ARID2: variants seen among roughly 807,000 people sequenced by gnomAD.
ARID2 encodes the protein AT-rich interactive domain-containing protein 2.
In ARID2, 32 loss-of-function variants were observed where a neutral mutation model predicts 184.6. The observed-to-expected ratio is 0.17, with a 90% CI of 0.13 to 0.23. The LOEUF is 0.23. Ranked by LOEUF, ARID2 falls within the 10% of genes least tolerant of loss-of-function variation. The probability of loss-of-function intolerance (pLI) is 1.00; values close to 1 mark genes in which losing one functional copy is unlikely to be tolerated. For synonymous variants in ARID2, 836 were observed against 772.6 expected (o/e 1.08, Z -1.36); for missense variants, 1,696 against 2,197.6 (o/e 0.77, Z 4.56).
intron 3 of ARID2, among the ~76,000 whole-genome samples, chr12:45,791,476 A>G (rs1942288483): frequency 6.6e-6 from 1 of 152,156 alleles, no homozygotes; most frequent in South Asian, 2.1e-4. Context: ...TTTTGTTTAC[A>G]GTGTTACAAC....
chr12:45,888,618 T>G (rs1225309262), intron 16 of ARID2, among the ~76,000 whole-genome samples: 2 of 152,214 alleles, frequency 1.3e-5, no homozygotes, highest in East Asian at 3.8e-4. Context: ...CTATTACTGA[T>G]CATGATGACA....
At chr12:45,810,396 A>G (rs576692800) in intron 3 of ARID2, among the ~76,000 whole-genome samples, 1 of 152,356 alleles carries the variant, frequency 6.6e-6, no homozygotes, top group South Asian at 2.1e-4. Flanking sequence ...TGTATTAGGC[A>G]TAGTACTTTT....
intron 3 of ARID2, among the ~76,000 whole-genome samples, chr12:45,805,540 A>G (rs1166383666): frequency 6.6e-6 from 1 of 152,050 alleles, no homozygotes; most frequent in Non-Finnish European, 1.5e-5. Context: ...ATTGAGACTA[A>G]TATCTGAGTT....
intron 6 of ARID2, 146 bp downstream of exon 6, chr12:45,821,633 G>A: frequency 2.4e-6 from 1 of 422,876 alleles, no homozygotes; most frequent in South Asian, 9.9e-5. Context: ...CGATTTTAAA[G>A]TTGTGATTGA....
chr12:45,771,467 G>A (rs1381720519), intron 3 of ARID2, among the ~76,000 whole-genome samples: 2 of 150,126 alleles, frequency 1.3e-5, no homozygotes, highest in African/African-American at 2.5e-5. Context: ...GAGTTTGAGA[G>A]CAGCCTGGGC....
rs190551923 is a variant in ARID2 at position 45,766,194 on chromosome 12, G to C, written c.284+34880G>C. 4.0e-4 allele frequency among the ~76,000 whole-genome samples: 60 copies of C among 151,100 alleles called. No homozygotes were observed. In the East Asian group the frequency reaches 0.01, roughly 26 times the overall value. On this transcript the variant is annotated intron_variant, in intron 3 of 20. Coordinates refer to ENST00000334344, the MANE Select transcript of ARID2 (RefSeq NM_152641.4). ...TAACTTTTTTTTTTTTTGAGACAGAGTCTTGCTCTGTCACCAAGACTGGAG... is the reference window on the plus strand; with the variant it reads ...TAACTTTTTTTTTTTTTGAGACAGACTCTTGCTCTGTCACCAAGACTGGAG...
rs538546778 is a variant in ARID2, at chr12:45,778,250, C to G, written c.285-33168C>G. ...AAGCCCAGTTTATATGTGTTCCCCC[C>G]CCAACCCGCAAGAAAATGCCTTATT... On this transcript the variant is annotated intron_variant, in intron 3 of 20. Transcript: ENST00000334344. Among the ~76,000 whole-genome samples, 4 of 152,016 alleles carry G rather than the reference C, an allele frequency of 2.6e-5. No homozygotes were observed. In the South Asian group the frequency reaches 6.2e-4, roughly 24 times the overall value.
intron 16 of ARID2, among the ~76,000 whole-genome samples, chr12:45,888,052 G>A (rs1944225785): frequency 6.6e-6 from 1 of 152,104 alleles, no homozygotes; most frequent in Non-Finnish European, 1.5e-5. Context: ...AAAATCAGCT[G>A]GGGGTGCTGG....
In ARID2 at chr12:45,893,455, G is replaced by A. The variant is rs201845936; in HGVS notation, c.5183G>A (p.Arg1728Lys). The change falls in exon 19 of 21, where the codon AGA becomes AAA. Residue 1728 changes from arginine to lysine, a missense_variant. By Grantham distance (26) the Arg-to-Lys change is conservative (BLOSUM62 2). This residue lies in a region of ARID2 where 58 missense variants were observed against 47.1 expected (regional missense o/e 1.23). Coordinates refer to ENST00000334344, the MANE Select transcript of ARID2 (RefSeq NM_152641.4). ...GTAGGGGGCACAAGCTCAACTCCTAGAGCACAAAAGGCCATTGTGAATCAT... is the reference window on the plus strand; with the variant it reads ...GTAGGGGGCACAAGCTCAACTCCTAAAGCACAAAAGGCCATTGTGAATCAT... Reference protein sequence around the residue: ...PTVGGTSSTPRAQKAIVNHPS... With the variant: ...PTVGGTSSTPKAQKAIVNHPS... 3.3e-5 allele frequency: 53 copies of A among 1,613,940 alleles called. No individual in the cohort carries two copies. Among genetic ancestry groups the A allele is most frequent in the Admixed American group, 2.7e-4 (16 of 60,000 alleles).
chr12:45,831,720 T>A (rs1943127129), intron 6 of ARID2, among the ~76,000 whole-genome samples: 1 of 152,226 alleles, frequency 6.6e-6, no homozygotes, highest in African/African-American at 2.4e-5. Context: ...TCAGTTGTTC[T>A]ACAATTTCCT....
rs2136462894 is a variant in ARID2, at chr12:45,893,641, G to T, written c.5283G>T (p.Glu1761Asp). Residue 1761 changes from glutamate to aspartate, a missense_variant, in exon 20 of 21, where the codon GAG (glutamate) becomes GAT (aspartate). By Grantham distance (45) the Glu-to-Asp change is conservative. Transcript: ENST00000334344. Reference sequence around the variant, plus strand: ...CCTTTCTTTTTAAGGATGAAAAAGAGGGACCAATAACTAAACACATCCGAC... The same window carrying T: ...CCTTTCTTTTTAAGGATGAAAAAGATGGACCAATAACTAAACACATCCGAC... ...LVFRDFTDEK[E>D]GPITKHIRLT... 1 of 1,604,174 alleles carries T rather than the reference G, an allele frequency of 6.2e-7. No homozygotes were observed. Among genetic ancestry groups the T allele is most frequent in the Non-Finnish European group, 8.5e-7 (1 of 1,177,382 alleles).
chr12:45,873,569 A>G (rs1943959626), intron 16 of ARID2, among the ~76,000 whole-genome samples: 1 of 152,230 alleles, frequency 6.6e-6, no homozygotes, highest in Non-Finnish European at 1.5e-5. Flanking sequence ...CTTTCAAACA[A>G]TAGTACAGGC....
intron 3 of ARID2, among the ~76,000 whole-genome samples, chr12:45,777,513 A>G (rs1942007524): frequency 6.6e-6 from 1 of 152,028 alleles, no homozygotes. Flanking sequence ...CTTCTTAATA[A>G]TGCACAAGCA....
At position 45,904,937 on chromosome 12, in the gene ARID2, G is replaced by A; in HGVS notation, c.5367G>A (p.Leu1789=). The A allele has an allele frequency of 6.2e-7, 1 of 1,612,786 alleles. No individual in the cohort carries two copies. The highest frequency in any genetic ancestry group is 2.2e-5 in the East Asian group (1 of 44,830). Residue 1789 remains leucine (L), a synonymous_variant, in exon 21 of 21, where the codon TTG becomes TTA. Transcript: ENST00000334344. ...TCTTCTATATGTTTTTTTGCAGATT[G>A]TTAAAGAGACATGAAAATAACTTAT... ...IGKYSECGRR[L]LKRHENNLSV... is the part of the protein sequence containing the mutation.
chr12:45,763,073 A>G lies in ARID2; in HGVS notation c.284+31759A>G, dbSNP rs375799933. Among the ~76,000 whole-genome samples the G allele has an allele frequency of 2.3e-3, 345 of 152,354 alleles. 12 individuals are homozygous for G. The South Asian group carries it at 0.067, about 30-fold the overall frequency. On this transcript the variant is annotated intron_variant, in intron 3 of 20. Coordinates refer to ENST00000334344, the MANE Select transcript of ARID2 (RefSeq NM_152641.4). ...GGATAAGACCAGGATTATTTCTCCA[A>G]TGAGAAGTTTTAACTTAATAGGTTT...
chr12:45,798,118 A>G (rs1039144719), intron 3 of ARID2, among the ~76,000 whole-genome samples: 1 of 152,182 alleles, frequency 6.6e-6, no homozygotes, highest in African/African-American at 2.4e-5. Context: ...GTGTCACCAA[A>G]TACAGATCTA....
At chr12:45,903,138 G>T (rs1944479769) in intron 20 of ARID2, among the ~76,000 whole-genome samples, 1 of 152,106 alleles carries the variant, frequency 6.6e-6, no homozygotes. Context: ...TTCTATATGT[G>T]AAATCATACA....
At chr12:45,816,710 T>G (rs1413485843) in intron 4 of ARID2, among the ~76,000 whole-genome samples, 1 of 152,162 alleles carries the variant, frequency 6.6e-6, no homozygotes, top group Non-Finnish European at 1.5e-5. Context: ...CAAACTGTGT[T>G]TAGAAAGGTA....
At position 45,851,794 on chromosome 12, in the gene ARID2, C is replaced by G. The variant is rs2138173753; in HGVS notation, c.3671C>G (p.Pro1224Arg). The G allele has an allele frequency of 1.2e-6, 2 of 1,614,168 alleles. No individual in the cohort carries two copies. Among genetic ancestry groups the G allele is most frequent in the Non-Finnish European group, 1.7e-6 (2 of 1,180,010 alleles). The change falls in exon 15 of 21, where the codon CCT (proline) becomes CGT (arginine). Residue 1224 changes from proline to arginine, a missense_variant. Pro to Arg is a moderately radical substitution (Grantham distance 103, BLOSUM62 -2). Coordinates refer to ENST00000334344, the MANE Select transcript of ARID2 (RefSeq NM_152641.4). ...ACGCTTCCAGCCACTCAAGCATCTC[C>G]TGCTGGACAATCATCATGTACTACT... Reference protein sequence around the residue: ...VQTLPATQASPAGQSSCTTAT... With the variant: ...VQTLPATQASRAGQSSCTTAT...
Sources: gnomAD v4.1 joint callset for allele counts (sites outside exome capture counted in the v4.1 genomes callset) on GRCh38, gnomAD v4.1.1 for gene constraint, gnomAD v4.1.1 regional missense constraint, MANE v1.5 for transcripts, NCBI Gene and HGNC (gene_info 2026-07-23, HGNC 2026-07-21) for gene names.